Variants in COL12A1 observed in about 807,000 individuals in gnomAD.
COL12A1 encodes the protein collagen alpha-1(XII) chain.
Under a neutral mutation model 349.7 loss-of-function variants are expected in COL12A1, and 114 were observed. The observed-to-expected ratio is 0.33, with a 90% CI of 0.28 to 0.38. The LOEUF is 0.38. Among genes scored for constraint, COL12A1 ranks in the 10% least tolerant of loss-of-function variants. COL12A1 has a pLI of 1.00. For missense variants in COL12A1, 3,284 were observed against 3,756.9 expected (o/e 0.87, Z 3.29); for synonymous variants, 1,369 against 1,329.0 (o/e 1.03, Z -0.66).
Position 75,138,442 on chromosome 6 carries a change from A to G in COL12A1, c.5230+6T>C, listed in dbSNP as rs1406823399. 2 of 1,611,882 alleles carry G rather than the reference A, an allele frequency of 1.2e-6. No individual in the cohort carries two copies. Among genetic ancestry groups the G allele is most frequent in the Non-Finnish European group, 1.7e-6 (2 of 1,179,286 alleles). On this transcript the variant is annotated splice_donor_region_variant and intron_variant, in intron 29 of 65. Coordinates refer to ENST00000322507, the MANE Select transcript of COL12A1 (RefSeq NM_004370.6). ...TCAATGTCCTATTTGAAAGCTAAAC[A>G]CCTACGTGTGCGCTCACTGCCAATC...
chr6:75,174,230 G>A (rs1002848077), intron 13 of COL12A1, among the ~76,000 whole-genome samples: 6 of 152,044 alleles, frequency 3.9e-5, no homozygotes, highest in Admixed American at 1.3e-4. Context: ...AATACAGAAC[G>A]GAATTTCAGA....
intron 2 of COL12A1, among the ~76,000 whole-genome samples, chr6:75,200,945 CAA>C (rs35820717): frequency 3.9e-5 from 5 of 127,320 alleles, no homozygotes; most frequent in African/African-American, 5.7e-5. Flanking sequence ...GATTAAGAAG[CAA>C]AAAAAAAAAG....
chr6:75,176,652 A>T (rs2149454839), intron 12 of COL12A1, among the ~76,000 whole-genome samples: 1 of 152,298 alleles, frequency 6.6e-6, no homozygotes, highest in South Asian at 2.1e-4. Flanking sequence ...TGTGGTCTTG[A>T]TTTATTATTT....
chr6:75,119,197 T>C lies in COL12A1; in HGVS notation c.7211-11A>G, dbSNP rs754635262. On this transcript the variant is annotated splice_polypyrimidine_tract_variant and intron_variant, in intron 45 of 65. Coordinates refer to ENST00000322507, the MANE Select transcript of COL12A1 (RefSeq NM_004370.6). ...ACGTGAGGGCCTTGCCTACAGAATGTGGCATGGAAAATTTTAGTGTCACTT... is the reference window on the plus strand; with the variant it reads ...ACGTGAGGGCCTTGCCTACAGAATGCGGCATGGAAAATTTTAGTGTCACTT... The C allele has an allele frequency of 1.9e-6, 3 of 1,613,706 alleles. No individual in the cohort carries two copies. The highest frequency in any genetic ancestry group is 2.5e-6 in the Non-Finnish European group (3 of 1,179,878).
At chr6:75,161,517 T>G (rs2149432596) in intron 14 of COL12A1, among the ~76,000 whole-genome samples, 1 of 152,154 alleles carries the variant, frequency 6.6e-6, no homozygotes, top group Non-Finnish European at 1.5e-5. Context: ...CGTCTGCTCC[T>G]TGTTCAAAAG....
chr6:75,143,038 T>A (rs1289991536), intron 26 of COL12A1, among the ~76,000 whole-genome samples: 1 of 152,226 alleles, frequency 6.6e-6, no homozygotes, highest in Non-Finnish European at 1.5e-5. Flanking sequence ...TTTTTGAGAT[T>A]AATATCACAC....
chr6:75,085,200 G>T lies in COL12A1; in HGVS notation c.*1347C>A. The T allele has an allele frequency of 4.3e-6, 2 of 467,412 alleles. No homozygotes were observed. The highest frequency in any genetic ancestry group is 8.8e-6 in the Non-Finnish European group (2 of 226,208). The allele number at this position is 467,412 out of a possible 1,614,324, so 29.0% of individuals were successfully genotyped here. On this transcript the variant is annotated 3_prime_UTR_variant, in exon 66 of 66. Coordinates refer to ENST00000322507, the MANE Select transcript of COL12A1 (RefSeq NM_004370.6). The stretch of plus-strand genomic sequence containing the variant: ...CGCGTGATCTCTGGTTCACTGCCCG[G>T]GTCCGTGGGGCAGGGCGCGCCGCCA...
At chr6:75,155,920 T>G (rs1328092861) in intron 15 of COL12A1, 66 bp from the exon 16 acceptor site, 1 of 1,474,888 alleles carries the variant, frequency 6.8e-7, no homozygotes, top group Non-Finnish European at 9.1e-7. Context: ...TCTTTTTTAT[T>G]AGCCCCACAA....
chr6:75,105,071 G>C, intron 54 of COL12A1, 135 bp downstream of exon 54: 1 of 587,594 alleles, frequency 1.7e-6, no homozygotes, highest in Middle Eastern at 2.7e-4. Flanking sequence ...CTAAAAAGAT[G>C]GTCTGCAATT....
At chr6:75,189,476 A>C in intron 6 of COL12A1, 76 bp downstream of exon 6, 1 of 1,577,624 alleles carries the variant, frequency 6.3e-7, no homozygotes. Context: ...TTTAATATGT[A>C]ATAGGCAATG....
Position 75,156,283 on chromosome 6 carries a change from T to C in COL12A1, c.3224A>G (p.Lys1075Arg). ...VLPIYKMGEGKLRQGSGTTAS... is the reference protein window; with the variant it reads ...VLPIYKMGEGRLRQGSGTTAS... ...TGTTGTTCCTGATCCTTGCCTAAGC[T>C]TTCCTTCTCCCATCTTGTAAATAGG... The change falls in exon 15 of 66, where the codon AAG becomes AGG. Residue 1075 changes from lysine to arginine, a missense_variant. Lys to Arg is a conservative substitution (Grantham distance 26, BLOSUM62 2). Coordinates refer to ENST00000322507, the MANE Select transcript of COL12A1 (RefSeq NM_004370.6). The C allele has an allele frequency of 1.2e-6, 2 of 1,613,820 alleles. No homozygotes were observed. The highest frequency in any genetic ancestry group is 1.7e-6 in the Non-Finnish European group (2 of 1,179,772).
rs1766491625 is a variant in COL12A1 at position 75,134,658 on chromosome 6, A to G, written c.5524+68T>C. ...AACTTTGTGTCACCCCAGTGTTTCC[A>G]GATAAAGAGATGATTCCATTCTAAT... On this transcript the variant is annotated intron_variant, in intron 32 of 65. Coordinates refer to ENST00000322507, the MANE Select transcript of COL12A1 (RefSeq NM_004370.6). The G allele has an allele frequency of 4.3e-6, 6 of 1,382,816 alleles. No homozygotes were observed. In the Admixed American group the frequency reaches 6.5e-5, roughly 15 times the overall value. 85.7% of individuals were successfully genotyped at this position (1,382,816 alleles called of 1,614,324 possible).
Position 75,177,673 on chromosome 6 carries a change from G to A in COL12A1, c.2427C>T (p.Ala809=), listed in dbSNP as rs1256703316. Reference sequence around the variant, plus strand: ...GCATATTTCCTCTACCTTCTTCAGTGGCTGCATTTCCAGTTAATGGAGTAC... The same window carrying A: ...GCATATTTCCTCTACCTTCTTCAGTAGCTGCATTTCCAGTTAATGGAGTAC... ...GPGTPLTGNA[A]TEEVRGNPRD... The change falls in exon 12 of 66, where the codon GCC becomes GCT. Residue 809 remains alanine, a synonymous_variant. Transcript: ENST00000322507. 2 of 1,613,932 alleles carry A rather than the reference G, an allele frequency of 1.2e-6. No homozygotes were observed. The highest frequency in any genetic ancestry group is 1.7e-5 in the Admixed American group (1 of 59,994).
chr6:75,095,066 C>A (rs367988779), intron 60 of COL12A1, 42 bp downstream of exon 60: 4 of 1,562,530 alleles, frequency 2.6e-6, no homozygotes, highest in African/African-American at 2.7e-5. Context: ...TTTATTTCCA[C>A]GGTGAAACCA....
chr6:75,183,027 T>C, intron 10 of COL12A1, 23 bp downstream of exon 10: 1 of 1,556,798 alleles, frequency 6.4e-7, no homozygotes, highest in Non-Finnish European at 8.7e-7. Context: ...AAGAAATAAC[T>C]TTTACTCTCA....
chr6:75,135,943 A>G (rs1012575134), intron 31 of COL12A1, among the ~76,000 whole-genome samples: 8 of 152,178 alleles, frequency 5.3e-5, no homozygotes, highest in African/African-American at 1.7e-4. Context: ...CAGCTCCCCA[A>G]AATAATTCTA....
At chr6:75,111,678 T>C (rs533097622) in intron 51 of COL12A1, among the ~76,000 whole-genome samples, 5 of 151,854 alleles carry the variant, frequency 3.3e-5, no homozygotes. Context: ...TAAGAACAGA[T>C]AAAGATCAGT....
At chr6:75,121,680 G>A (rs181210040) in intron 43 of COL12A1, among the ~76,000 whole-genome samples, 36 of 152,094 alleles carry the variant, frequency 2.4e-4, no homozygotes, top group Admixed American at 8.5e-4. Flanking sequence ...AGCATTGCGG[G>A]GACCCTCAAT....
intron 44 of COL12A1, among the ~76,000 whole-genome samples, chr6:75,120,262 T>C (rs916904665): frequency 3.9e-5 from 6 of 152,164 alleles, no homozygotes; most frequent in Non-Finnish European, 7.4e-5. Flanking sequence ...AGGGTGAATT[T>C]TTACTCTTCT....
Sources: allele counts gnomAD v4.1 joint callset (sites outside exome capture counted in the v4.1 genomes callset), GRCh38; gene constraint gnomAD v4.1.1; transcripts MANE v1.5; gene names NCBI Gene and HGNC (gene_info 2026-07-23, HGNC 2026-07-21).